The following TRAF3 variants were observed in gnomAD, a reference collection of about 807,000 sequenced individuals.
TRAF3 encodes TNF receptor-associated factor 3.
Under a neutral mutation model 62.3 loss-of-function variants are expected in TRAF3, and 13 were observed. That is an observed-to-expected ratio of 0.21 (90% CI 0.14 to 0.33). The LOEUF is 0.33. Ranked by LOEUF, TRAF3 falls within the 10% of genes least tolerant of loss-of-function variation. The pLI, the probability that TRAF3 is intolerant of heterozygous loss-of-function variation, is 1.00. For missense variants in TRAF3, 440 were observed against 741.8 expected, an observed-to-expected ratio of 0.59 and a Z score of 4.73; for synonymous variants, 269 against 283.4, an observed-to-expected ratio of 0.95 and a Z score of 0.51.
rs1360932295 is a variant in TRAF3, at chr14:102,908,856, C to A, written c.*3072C>A. ...TCGGGCTGCTCCCTGCTGCCAGGCACGCTGGTTGGCTGGCCTGGGCCCGGC... is the reference window on the plus strand; with the variant it reads ...TCGGGCTGCTCCCTGCTGCCAGGCAAGCTGGTTGGCTGGCCTGGGCCCGGC... On this transcript the variant is annotated 3_prime_UTR_variant, in exon 12 of 12. Transcript: ENST00000392745. 1.3e-5 allele frequency: 2 copies of A among 152,288 alleles called. No individual in the cohort carries two copies. The highest frequency in any genetic ancestry group is 6.5e-5 in the Admixed American group (1 of 15,292). 9.4% of individuals were successfully genotyped at this position (152,288 alleles called of 1,614,324 possible). A position where few individuals can be genotyped will look rare whatever the true frequency, so the allele number is the denominator to read the frequency against.
At chr14:102,867,912 C>T (rs191285310) in intron 2 of TRAF3, among the ~76,000 whole-genome samples, 51 of 152,358 alleles carry the variant, frequency 3.3e-4, no homozygotes, top group African/African-American at 1.1e-3. Context: ...AACGCCAGTT[C>T]ATCCATCTCT....
At position 102,828,985 on chromosome 14, in the gene TRAF3, C is replaced by A. The variant is rs151035720; in HGVS notation, c.-156-1349C>A. On this transcript the variant is annotated intron_variant, in intron 1 of 11. Coordinates refer to ENST00000392745, the MANE Select transcript of TRAF3 (RefSeq NM_145725.3). Reference sequence around the variant, plus strand: ...ATGATGAATTCTAATCTCCTTAGTTCTTATTTTGCCTTTAGAAGAGCATTT... The same window carrying A: ...ATGATGAATTCTAATCTCCTTAGTTATTATTTTGCCTTTAGAAGAGCATTT... Among the ~76,000 whole-genome samples the A allele has an allele frequency of 5.7e-3, 873 of 152,274 alleles. 9 individuals are homozygous for A. Among genetic ancestry groups the A allele is most frequent in the Admixed American group, 9.9e-3 (151 of 15,296 alleles).
In TRAF3 at chr14:102,875,615, C is replaced by G; in HGVS notation, c.298-9C>G. On this transcript the variant is annotated splice_polypyrimidine_tract_variant and intron_variant, in intron 4 of 11. Transcript: ENST00000392745. ...TTAATCCTCCAAAATAATGATCTTT[C>G]ATTTTCAGGTGTTTAAGGATAATTG... The G allele has an allele frequency of 6.2e-7, 1 of 1,608,118 alleles. No homozygotes were observed. The highest frequency in any genetic ancestry group is 8.5e-7 in the Non-Finnish European group (1 of 1,175,488).
At chr14:102,805,809 G>A (rs2139486203) in intron 1 of TRAF3, among the ~76,000 whole-genome samples, 2 of 152,300 alleles carry the variant, frequency 1.3e-5, no homozygotes, top group Non-Finnish European at 2.9e-5. Flanking sequence ...ATGTTTTGAT[G>A]TCATGGTTCA....
chr14:102,819,292 G>A (rs1899749297), intron 1 of TRAF3, among the ~76,000 whole-genome samples: 1 of 151,976 alleles, frequency 6.6e-6, no homozygotes, highest in Admixed American at 6.6e-5. Flanking sequence ...CTCTGCTCGG[G>A]CCCTTCCTGA....
At chr14:102,847,085 G>A (rs1354207418) in intron 2 of TRAF3, among the ~76,000 whole-genome samples, 2 of 151,992 alleles carry the variant, frequency 1.3e-5, no homozygotes, top group East Asian at 3.8e-4. Context: ...AAAAAATGTG[G>A]AAAATCCCCA....
intron 2 of TRAF3, among the ~76,000 whole-genome samples, chr14:102,844,384 A>G (rs1362986582): frequency 6.6e-6 from 1 of 152,226 alleles, no homozygotes; most frequent in Admixed American, 6.5e-5. Context: ...ATCCTCCTTC[A>G]TGTGTTCAGG....
intron 10 of TRAF3, among the ~76,000 whole-genome samples, chr14:102,900,290 C>G (rs947942396): frequency 7.3e-5 from 11 of 151,388 alleles, no homozygotes; most frequent in Non-Finnish European, 1.3e-4. Context: ...ATCACGAGGT[C>G]AGGAGTTCAA....
At position 102,875,526 on chromosome 14, in the gene TRAF3, TTG is replaced by T. The variant is rs1491377168; in HGVS notation, c.298-96_298-95del. On this transcript the variant is annotated intron_variant, in intron 4 of 11. Coordinates refer to ENST00000392745, the MANE Select transcript of TRAF3 (RefSeq NM_145725.3). Reference sequence around the variant, plus strand: ...TGAAGTTCACTTAAGAGTTCCTCTCTTGTTTTTTTTTTTTAAGTGGTTTTGCC... The same window carrying T: ...TGAAGTTCACTTAAGAGTTCCTCTCTTTTTTTTTTTTTAAGTGGTTTTGCC... The T allele has an allele frequency of 8.8e-5, 84 of 954,120 alleles. No individual in the cohort carries two copies. The South Asian group carries it at 1.1e-3, about 13-fold the overall frequency. 59.1% of individuals were successfully genotyped at this position (954,120 alleles called of 1,614,324 possible).
At chr14:102,815,382 G>C (rs1899452536) in intron 1 of TRAF3, among the ~76,000 whole-genome samples, 4 of 151,706 alleles carry the variant, frequency 2.6e-5, no homozygotes, top group Admixed American at 1.3e-4. Flanking sequence ...TTTGAGACTG[G>C]GTCTTGCTGT....
At position 102,903,421 on chromosome 14, in the gene TRAF3, G is replaced by T. The variant is rs767055689; in HGVS notation, c.1127G>T (p.Arg376Leu). The T allele has an allele frequency of 6.2e-7, 1 of 1,613,898 alleles. No homozygotes were observed. The highest frequency in any genetic ancestry group is 8.5e-7 in the Non-Finnish European group (1 of 1,179,952). Residue 376 changes from arginine (R) to leucine (L), a missense_variant, in exon 11 of 12, where the codon CGG becomes CTG. Transcript: ENST00000392745. This position sits in a 1 kb window ranked among gnomAD's most constrained non-coding sequence, Gnocchi z 6.4. ...SVDKSAGQVA[R>L]NTGLLESQLS... The stretch of plus-strand genomic sequence containing the variant: ...GACAAGAGCGCGGGGCAAGTGGCTC[G>T]GAACACAGGTGAGGCAGGGGCCGGG...
intron 1 of TRAF3, among the ~76,000 whole-genome samples, chr14:102,829,723 G>A (rs1900548509): frequency 6.6e-6 from 1 of 152,184 alleles, no homozygotes; most frequent in African/African-American, 2.4e-5. Flanking sequence ...TTGGTTTTGG[G>A]GAGGGAGGCC....
intron 3 of TRAF3, among the ~76,000 whole-genome samples, chr14:102,871,531 A>G (rs1888343268): frequency 6.6e-6 from 1 of 152,158 alleles, no homozygotes; most frequent in East Asian, 1.9e-4. Context: ...TGGCCTGTGG[A>G]GAAGGGCTGG....
At chr14:102,892,309 C>T (rs1329584603) in intron 9 of TRAF3, among the ~76,000 whole-genome samples, 3 of 152,170 alleles carry the variant, frequency 2.0e-5, no homozygotes, top group African/African-American at 4.8e-5. Context: ...CTGCCCACCT[C>T]GGCCTCCCAA....
At chr14:102,788,010 C>A (rs1321779392) in intron 1 of TRAF3, among the ~76,000 whole-genome samples, 2 of 151,784 alleles carry the variant, frequency 1.3e-5, no homozygotes, top group Non-Finnish European at 2.9e-5. Context: ...CACCACCCCA[C>A]CTGGCTAATT....
rs1308007287 is a variant in TRAF3 at position 102,910,017 on chromosome 14, A to T, written c.*4233A>T. 1 of 152,234 alleles carries T rather than the reference A, an allele frequency of 6.6e-6. No homozygotes were observed. Among genetic ancestry groups the T allele is most frequent in the African/African-American group, 2.4e-5 (1 of 41,438 alleles). 9.4% of individuals were successfully genotyped at this position (152,234 alleles called of 1,614,324 possible). On this transcript the variant is annotated 3_prime_UTR_variant, in exon 12 of 12. Transcript: ENST00000392745. Reference sequence around the variant, plus strand: ...GGCCGGGGAGTACACTGATCCCAACAGCTGGGCTGACACCTCCTTTCTCCC... The same window carrying T: ...GGCCGGGGAGTACACTGATCCCAACTGCTGGGCTGACACCTCCTTTCTCCC...
chr14:102,899,355 T>C (rs1434780377), intron 10 of TRAF3, among the ~76,000 whole-genome samples: 1 of 152,194 alleles, frequency 6.6e-6, no homozygotes, highest in Non-Finnish European at 1.5e-5. Context: ...AGGCCCCGCC[T>C]ACCCTCTTGA....
intron 2 of TRAF3, among the ~76,000 whole-genome samples, chr14:102,848,652 G>A (rs1277526222): frequency 6.6e-6 from 1 of 152,068 alleles, no homozygotes; most frequent in African/African-American, 2.4e-5. Context: ...TTGAAGCAGC[G>A]TCCAAATAAT....
At chr14:102,898,113 C>T (rs1442863166) in intron 10 of TRAF3, among the ~76,000 whole-genome samples, 3 of 152,230 alleles carry the variant, frequency 2.0e-5, no homozygotes, top group Non-Finnish European at 2.9e-5. Context: ...TGAACTTAGA[C>T]GGTGTGTCCC....
Sources: gnomAD v4.1 joint callset for allele counts (sites outside exome capture counted in the v4.1 genomes callset) on GRCh38, gnomAD v4.1.1 for gene constraint, Gnocchi (gnomAD v3.1) non-coding constraint, MANE v1.5 for transcripts, NCBI Gene and HGNC (gene_info 2026-07-23, HGNC 2026-07-21) for gene names.